The following ABAT variants were observed in gnomAD, a reference collection of about 807,000 sequenced individuals.
ABAT encodes 4-aminobutyrate aminotransferase, also known as 4-aminobutyrate aminotransferase, mitochondrial.
Under a neutral mutation model 64.6 loss-of-function variants are expected in ABAT, and 45 were observed. The ratio of observed to expected loss-of-function variants is 0.70; its 90% confidence interval spans 0.55 to 0.89. The LOEUF is 0.89. Among genes scored for constraint, ABAT ranks in the 40% least tolerant of loss-of-function variants. The pLI is 0.00. For synonymous variants in ABAT, 297 were observed against 250.5 expected (o/e 1.19, Z -1.75); for missense variants, 633 against 658.4 (o/e 0.96, Z 0.42).
chr16:8,740,158 G>A (rs2059122854), intron 2 of ABAT, among the ~76,000 whole-genome samples: 1 of 152,126 alleles, frequency 6.6e-6, no homozygotes, highest in African/African-American at 2.4e-5. Context: ...ATGAGCGGCT[G>A]AGCCAGGCTT....
chr16:8,734,249 A>G (rs2058845852), intron 1 of ABAT, among the ~76,000 whole-genome samples: 2 of 152,230 alleles, frequency 1.3e-5, no homozygotes, highest in African/African-American at 4.8e-5. Context: ...TCTCCCCATT[A>G]TAATGATGCC....
rs944361463 is a variant in ABAT at position 8,781,588 on chromosome 16, G to A, written c.*158G>A. 5 of 912,628 alleles carry A rather than the reference G, an allele frequency of 5.5e-6. No individual in the cohort carries two copies. In the South Asian group the frequency reaches 7.1e-5, roughly 13 times the overall value. 56.5% of individuals were successfully genotyped at this position (912,628 alleles called of 1,614,324 possible). Reference sequence around the variant, plus strand: ...GCATTTTTGGTGGTCTTGGGGGAGGGGAGGGGAGGGAAGGGCTGGTGTTGA... The same window carrying A: ...GCATTTTTGGTGGTCTTGGGGGAGGAGAGGGGAGGGAAGGGCTGGTGTTGA... On this transcript the variant is annotated 3_prime_UTR_variant, in exon 16 of 16. Transcript: ENST00000268251. This position sits in a 1 kb window ranked among gnomAD's most constrained non-coding sequence, Gnocchi z 4.5.
intron 1 of ABAT, among the ~76,000 whole-genome samples, chr16:8,691,096 C>A (rs1230741899): frequency 6.6e-6 from 1 of 152,074 alleles, no homozygotes; most frequent in African/African-American, 2.4e-5. Flanking sequence ...GTTAAGCTCT[C>A]CCTTCGTCAA....
At position 8,783,023 on chromosome 16, in the gene ABAT, T is replaced by A. The variant is rs1061842; in HGVS notation, c.*1593T>A. On this transcript the variant is annotated 3_prime_UTR_variant, in exon 16 of 16. Coordinates refer to ENST00000268251, the MANE Select transcript of ABAT (RefSeq NM_020686.6). ...GAAAGGCAATGACAAGTTTAACATA[T>A]ACAAATTCGTGAATTCTTGTTCATT... The A allele has an allele frequency of 0.41, 63,020 of 151,890 alleles. 13,176 individuals carry two copies. Among genetic ancestry groups the A allele is most frequent in the Non-Finnish European group, 0.46 (31,382 of 67,930 alleles). 9.4% of individuals were successfully genotyped at this position (151,890 alleles called of 1,614,324 possible).
Position 8,782,245 on chromosome 16 carries a change from AC to A in ABAT, c.*816del, listed in dbSNP as rs2060457067. ...CTGTAGCCTGAGTGTCCACAGGGAC[AC>A]ACGTGAGCCACAGGGCTAGAAGCAC... On this transcript the variant is annotated 3_prime_UTR_variant, in exon 16 of 16. Coordinates refer to ENST00000268251, the MANE Select transcript of ABAT (RefSeq NM_020686.6). The A allele has an allele frequency of 6.6e-6, 1 of 152,464 alleles. No individual in the cohort carries two copies. 9.4% of individuals were successfully genotyped at this position (152,464 alleles called of 1,614,324 possible). A position where few individuals can be genotyped will look rare whatever the true frequency, so the allele number is the denominator to read the frequency against.
In ABAT at chr16:8,781,586, G is replaced by C; in HGVS notation, c.*156G>C. ...GAGCATTTTTGGTGGTCTTGGGGGA[G>C]GGGAGGGGAGGGAAGGGCTGGTGTT... is the stretch of plus-strand genomic sequence containing the variant. On this transcript the variant is annotated 3_prime_UTR_variant, in exon 16 of 16. Coordinates refer to ENST00000268251, the MANE Select transcript of ABAT (RefSeq NM_020686.6). This position sits in a 1 kb window ranked among gnomAD's most constrained non-coding sequence, Gnocchi z 4.5. 1.1e-6 allele frequency: 1 copy of C among 916,858 alleles called. No homozygotes were observed. Among genetic ancestry groups the C allele is most frequent in the South Asian group, 1.4e-5 (1 of 70,370 alleles). The allele number at this position is 916,858 out of a possible 1,614,324, so 56.8% of individuals were successfully genotyped here. A position where few individuals can be genotyped will look rare whatever the true frequency, so the allele number is the denominator to read the frequency against.
Position 8,738,227 on chromosome 16 carries a change from G to A in ABAT, c.70+2418G>A, listed in dbSNP as rs574299648. ...TCTCAGCTACTGGGGAGGCTGAAGC[G>A]GGAGGATTGCTTGAGCCTGGGAGAT... On this transcript the variant is annotated intron_variant, in intron 2 of 15. Coordinates refer to ENST00000268251, the MANE Select transcript of ABAT (RefSeq NM_020686.6). Among the ~76,000 whole-genome samples the A allele has an allele frequency of 9.2e-5, 14 of 151,858 alleles. No homozygotes were observed. The East Asian group carries it at 9.7e-4, about 11-fold the overall frequency.
chr16:8,735,080 C>T (rs912426916), intron 1 of ABAT, among the ~76,000 whole-genome samples: 14 of 150,698 alleles, frequency 9.3e-5, no homozygotes, highest in Middle Eastern at 3.2e-3. Context: ...GTAGCACATG[C>T]CTGTAGTCCC....
chr16:8,757,244 T>G (rs946673802), intron 5 of ABAT: 2 of 444,398 alleles, frequency 4.5e-6, no homozygotes, highest in Non-Finnish European at 8.9e-6. Context: ...CTCAACTCAA[T>G]GCAACCTCCG....
intron 1 of ABAT, among the ~76,000 whole-genome samples, chr16:8,711,786 A>AGATGGATGGATGGATG (rs59128291): frequency 8.0e-5 from 11 of 137,212 alleles, no homozygotes; most frequent in Admixed American, 4.3e-4. Context: ...ATGGATGGGA[A>AGATGGATGGATGGATG]GATGGATGGA....
intron 9 of ABAT, among the ~76,000 whole-genome samples, chr16:8,766,711 G>T (rs984837370): frequency 6.6e-5 from 10 of 151,882 alleles, no homozygotes; most frequent in African/African-American, 1.9e-4. Context: ...GTTCACGCCT[G>T]TAATCCCAGC....
At chr16:8,716,832 C>T (rs964031465) in intron 1 of ABAT, among the ~76,000 whole-genome samples, 13 of 152,164 alleles carry the variant, frequency 8.5e-5, no homozygotes, top group African/African-American at 2.9e-4. Context: ...TGATGCAATG[C>T]GTCAGCCCGC....
At chr16:8,682,576 C>T (rs1004385871) in intron 1 of ABAT, among the ~76,000 whole-genome samples, 1 of 149,684 alleles carries the variant, frequency 6.7e-6, no homozygotes, top group African/African-American at 2.5e-5. Flanking sequence ...ACTCTATTTC[C>T]ATGTTCTCTA....
At chr16:8,779,721 G>C (rs1375413022) in intron 15 of ABAT, 131 bp downstream of exon 15, 2 of 727,612 alleles carry the variant, frequency 2.7e-6, no homozygotes, top group South Asian at 1.5e-5. Flanking sequence ...AAAAGAGCCT[G>C]AATGCTCTTT....
intron 1 of ABAT, among the ~76,000 whole-genome samples, chr16:8,714,303 A>G (rs940696421): frequency 2.0e-5 from 3 of 152,208 alleles, no homozygotes; most frequent in Non-Finnish European, 2.9e-5. Flanking sequence ...CGTTCTAAGG[A>G]CAAGAACAGC....
chr16:8,702,972 G>A (rs1345435614), intron 1 of ABAT, among the ~76,000 whole-genome samples: 3 of 152,096 alleles, frequency 2.0e-5, no homozygotes, highest in African/African-American at 7.2e-5. Context: ...CAACAGGATT[G>A]ACTGATGGAC....
intron 2 of ABAT, among the ~76,000 whole-genome samples, chr16:8,742,725 G>T (rs1289992500): frequency 6.6e-6 from 1 of 152,002 alleles, no homozygotes; most frequent in South Asian, 2.1e-4. Context: ...AATTAGCCGG[G>T]CATGGTGACG....
intron 1 of ABAT, among the ~76,000 whole-genome samples, chr16:8,686,535 G>T (rs1426225911): frequency 6.6e-6 from 1 of 152,212 alleles, no homozygotes; most frequent in African/African-American, 2.4e-5. Context: ...GTGTATTTGT[G>T]TGTAGTTGCT....
At chr16:8,736,508 C>T (rs1376630037) in intron 2 of ABAT, 3 of 152,120 alleles carry the variant, frequency 2.0e-5, no homozygotes, top group Non-Finnish European at 4.4e-5. Flanking sequence ...CATCTGGGAT[C>T]GCTGCTAAGG....
Sources: gnomAD v4.1 joint callset for allele counts (sites outside exome capture counted in the v4.1 genomes callset) on GRCh38, gnomAD v4.1.1 for gene constraint, Gnocchi (gnomAD v3.1) non-coding constraint, MANE v1.5 for transcripts, NCBI Gene and HGNC (gene_info 2026-07-23, HGNC 2026-07-21) for gene names.